MAS1: variants seen among roughly 807,000 people sequenced by gnomAD.
The protein encoded by MAS1 is MAS1 proto-oncogene, G protein-coupled receptor.
For synonymous variants in MAS1, 163 were observed against 164.2 expected (o/e 0.99, Z 0.05); for missense variants, 387 against 409.7 (o/e 0.94, Z 0.48).
Position 159,907,058 on chromosome 6 carries a change from G to T in MAS1, c.103G>T (p.Val35Leu), listed in dbSNP as rs752123270. The part of the protein sequence containing the change: ...VGNAHRQIPI[V>L]HWVIMSISPV... ...GAATGCACATCGGCAAATCCCCATC[G>T]TGCACTGGGTCATTATGAGCATCTC... Residue 35 changes from valine (V) to leucine (L), a missense_variant, in exon 3 of 3, where the codon GTG (valine) becomes TTG (leucine). By Grantham distance (32) the Val-to-Leu change is conservative. Coordinates refer to ENST00000674077, the MANE Select transcript of MAS1 (RefSeq NM_002377.4). 1.3e-5 allele frequency: 21 copies of T among 1,614,090 alleles called. No individual in the cohort carries two copies. The highest frequency in any genetic ancestry group is 1.7e-5 in the Non-Finnish European group (20 of 1,179,956).
chr6:159,891,751 T>A (rs550440314), intron 1 of MAS1, among the ~76,000 whole-genome samples: 1 of 152,312 alleles, frequency 6.6e-6, no homozygotes, highest in South Asian at 2.1e-4. Flanking sequence ...TATGAGCGTC[T>A]TAGCAACACT....
intron 2 of MAS1, among the ~76,000 whole-genome samples, chr6:159,904,339 C>T (rs546222013): frequency 2.6e-5 from 4 of 152,300 alleles, no homozygotes; most frequent in African/African-American, 7.2e-5. Flanking sequence ...AACTTTCCTC[C>T]GGCTCCTGAC....
intron 2 of MAS1, among the ~76,000 whole-genome samples, chr6:159,903,303 G>A (rs948343328): frequency 2.6e-5 from 4 of 151,824 alleles, no homozygotes; most frequent in African/African-American, 7.3e-5. Context: ...ACTCTGTGTC[G>A]TACCCGCCTG....
At chr6:159,900,173 C>T (rs927487753) in intron 2 of MAS1, among the ~76,000 whole-genome samples, 15 of 152,194 alleles carry the variant, frequency 9.9e-5, no homozygotes, top group African/African-American at 3.1e-4. Flanking sequence ...GTGCCTACCT[C>T]GTCTGCATGG....
At chr6:159,890,661 G>C (rs1782687602), upstream of MAS1, among the ~76,000 whole-genome samples, 1 of 152,210 alleles carries the variant, frequency 6.6e-6, no homozygotes, top group Non-Finnish European at 1.5e-5. Flanking sequence ...AGAAAACCAA[G>C]TCTTAGAGAG....
chr6:159,895,479 TATAAC>T (rs1332687002), intron 1 of MAS1, among the ~76,000 whole-genome samples: 2 of 152,228 alleles, frequency 1.3e-5, no homozygotes, highest in African/African-American at 4.8e-5. Context: ...TGGGGAAAAA[TATAAC>T]ATATACATAT....
intron 2 of MAS1, among the ~76,000 whole-genome samples, chr6:159,901,423 C>A (rs1401998686): frequency 6.6e-6 from 1 of 151,996 alleles, no homozygotes; most frequent in Non-Finnish European, 1.5e-5. Context: ...ACCAGCCTGG[C>A]AACACTACAA....
upstream of MAS1, among the ~76,000 whole-genome samples, chr6:159,889,230 G>T (rs919436532): frequency 6.6e-6 from 1 of 152,232 alleles, no homozygotes; most frequent in Non-Finnish European, 1.5e-5. Flanking sequence ...TCCTCTGCCC[G>T]TGTGGACAGA....
In MAS1 at chr6:159,899,192, C is replaced by G. The variant is rs1782795836; in HGVS notation, c.-237C>G. On this transcript the variant is annotated 5_prime_UTR_variant, in exon 2 of 3. Coordinates refer to ENST00000674077, the MANE Select transcript of MAS1 (RefSeq NM_002377.4). Reference sequence around the variant, plus strand: ...CTTATTTCTTTCTCCCTAGACATCTCTTTCGTGAGAAGAAAGAGAGGAGGG... The same window carrying G: ...CTTATTTCTTTCTCCCTAGACATCTGTTTCGTGAGAAGAAAGAGAGGAGGG... 6.6e-6 allele frequency: 1 copy of G among 152,262 alleles called. No individual in the cohort carries two copies. Among genetic ancestry groups the G allele is most frequent in the Non-Finnish European group, 1.5e-5 (1 of 68,050 alleles). 9.4% of individuals were successfully genotyped at this position (152,262 alleles called of 1,614,324 possible). A position where few individuals can be genotyped will look rare whatever the true frequency, so the allele number is the denominator to read the frequency against.
intron 1 of MAS1, among the ~76,000 whole-genome samples, chr6:159,894,287 C>T (rs1045555503): frequency 2.6e-5 from 4 of 151,816 alleles, no homozygotes; most frequent in Non-Finnish European, 4.4e-5. Flanking sequence ...GATGTGGTGG[C>T]GGGTGCCTGT....
chr6:159,898,557 C>T (rs113590275), intron 1 of MAS1, among the ~76,000 whole-genome samples: 8 of 49,976 alleles, frequency 1.6e-4, no homozygotes, highest in Non-Finnish European at 2.6e-4. Context: ...CTCCTCCTGC[C>T]TCTTCCTCCT....
chr6:159,906,905 T>A lies in MAS1; in HGVS notation c.-36-15T>A. 2.0e-6 allele frequency: 3 copies of A among 1,520,656 alleles called. No homozygotes were observed. Among genetic ancestry groups the A allele is most frequent in the Non-Finnish European group, 2.7e-6 (3 of 1,131,008 alleles). The allele number at this position is 1,520,656 out of a possible 1,614,324, so 94.2% of individuals were successfully genotyped here. A position where few individuals can be genotyped will look rare whatever the true frequency, so the allele number is the denominator to read the frequency against. ...ATGGCTTTTTGTGTTTGTTTTGTTC[T>A]GGACATATTTACAGAAAATTACCTG... On this transcript the variant is annotated splice_polypyrimidine_tract_variant and intron_variant, in intron 2 of 2. Transcript: ENST00000674077.
In MAS1 at chr6:159,910,327, G is replaced by C. The variant is rs781681780; in HGVS notation, c.*2394G>C. On this transcript the variant is annotated 3_prime_UTR_variant, in exon 3 of 3. Coordinates refer to ENST00000674077, the MANE Select transcript of MAS1 (RefSeq NM_002377.4). ...CTATGTCATAGGAGAAAGAGACACC[G>C]CATAACTACAACACCAGGCTGCACA... is the stretch of plus-strand genomic sequence containing the variant. 6.6e-6 allele frequency: 1 copy of C among 152,200 alleles called. No homozygotes were observed. The highest frequency in any genetic ancestry group is 1.5e-5 in the Non-Finnish European group (1 of 68,040). The allele number at this position is 152,200 out of a possible 1,614,324, so 9.4% of individuals were successfully genotyped here. A position where few individuals can be genotyped will look rare whatever the true frequency, so the allele number is the denominator to read the frequency against.
chr6:159,893,316 T>A (rs961447355), intron 1 of MAS1, among the ~76,000 whole-genome samples: 1 of 152,256 alleles, frequency 6.6e-6, no homozygotes, highest in Non-Finnish European at 1.5e-5. Flanking sequence ...GGGCAGGATA[T>A]CTGCATGGGG....
At chr6:159,890,781 A>T (rs1782688924), upstream of MAS1, among the ~76,000 whole-genome samples, 1 of 152,266 alleles carries the variant, frequency 6.6e-6, no homozygotes, top group South Asian at 2.1e-4. Context: ...TCTCCACGTC[A>T]TCTTTCTCTT....
intron 2 of MAS1, among the ~76,000 whole-genome samples, chr6:159,900,829 T>C (rs1275905656): frequency 6.6e-6 from 1 of 152,216 alleles, no homozygotes; most frequent in African/African-American, 2.4e-5. Flanking sequence ...ATTTATTAAA[T>C]GCCTACTGTG....
intron 2 of MAS1, among the ~76,000 whole-genome samples, chr6:159,901,146 A>T (rs1782816613): frequency 6.6e-6 from 1 of 152,120 alleles, no homozygotes; most frequent in South Asian, 2.1e-4. Flanking sequence ...TCCCCTTCTT[A>T]CAAGGACACC....
intron 1 of MAS1, among the ~76,000 whole-genome samples, chr6:159,896,858 T>TTTTGTTTG (rs71812549): frequency 2.0e-4 from 30 of 151,006 alleles, no homozygotes; most frequent in East Asian, 8.0e-4. Context: ...GACTGGGTTT[T>TTTTGTTTG]TTTGTTTGTT....
At chr6:159,896,974 C>T (rs1300110564) in intron 1 of MAS1, among the ~76,000 whole-genome samples, 1 of 152,012 alleles carries the variant, frequency 6.6e-6, no homozygotes, top group African/African-American at 2.4e-5. Flanking sequence ...CTCGGGTTCA[C>T]GCCATTCTCC....
Sources: gnomAD v4.1 joint callset for allele counts (sites outside exome capture counted in the v4.1 genomes callset) on GRCh38, gnomAD v4.1.1 for gene constraint, MANE v1.5 for transcripts, NCBI Gene and HGNC (gene_info 2026-07-23, HGNC 2026-07-21) for gene names.